Variants in TRAPPC9 observed in about 807,000 individuals in gnomAD.
TRAPPC9 encodes the protein trafficking protein particle complex subunit 9.
A neutral mutation model predicts 124.0 loss-of-function variants in TRAPPC9; 83 were observed. That is an observed-to-expected ratio of 0.67 (90% CI 0.56 to 0.80). The LOEUF (loss-of-function observed/expected upper bound fraction) is 0.80, where lower values mean the gene tolerates loss of function less well. Ranked by LOEUF, TRAPPC9 falls within the 30% of genes least tolerant of loss-of-function variation. The pLI is 0.00. For synonymous variants in TRAPPC9, 638 were observed against 617.5 expected (o/e 1.03, Z -0.49); for missense variants, 1,302 against 1,508.3 (o/e 0.86, Z 2.27).
rs369325917 is a variant in TRAPPC9, at chr8:140,311,937, G to A, written c.1496-563C>T. ...GAGGACACAGGTGATAATCATGTCCGCTTCCTGTCCATGGCACAGTCTAGA... is the reference window on the plus strand; with the variant it reads ...GAGGACACAGGTGATAATCATGTCCACTTCCTGTCCATGGCACAGTCTAGA... On this transcript the variant is annotated intron_variant, in intron 9 of 22. Coordinates refer to ENST00000438773, the MANE Select transcript of TRAPPC9 (RefSeq NM_001160372.4). Among the ~76,000 whole-genome samples the A allele has an allele frequency of 4.6e-5, 7 of 152,152 alleles. No homozygotes were observed. The South Asian group carries it at 1.0e-3, about 23-fold the overall frequency.
intron 8 of TRAPPC9, among the ~76,000 whole-genome samples, chr8:140,363,301 C>T (rs559766560): frequency 3.3e-5 from 5 of 152,160 alleles, no homozygotes; most frequent in African/African-American, 7.2e-5. Flanking sequence ...CTTCCTCGAC[C>T]GTCTATAACC....
intron 4 of TRAPPC9, among the ~76,000 whole-genome samples, chr8:140,433,028 G>A (rs1003990916): frequency 6.6e-6 from 1 of 151,688 alleles, no homozygotes; most frequent in Non-Finnish European, 1.5e-5. Flanking sequence ...AATCGGCCAA[G>A]CACAGTGCTC....
intron 21 of TRAPPC9, among the ~76,000 whole-genome samples, chr8:139,878,067 GCT>G (rs1829443197): frequency 6.6e-6 from 1 of 152,162 alleles, no homozygotes; most frequent in Non-Finnish European, 1.5e-5. Flanking sequence ...CACAGAAAAG[GCT>G]CTAGAAAAAG....
Position 140,423,792 on chromosome 8 carries a change from A to T in TRAPPC9, c.886+2823T>A, listed in dbSNP as rs117660423. ...CAGAATGGAATATTATTCTGCAAGA[A>T]GAAAAAGAAATGCATACTGACACGT... On this transcript the variant is annotated intron_variant, in intron 5 of 22. Coordinates refer to ENST00000438773, the MANE Select transcript of TRAPPC9 (RefSeq NM_001160372.4). Among the ~76,000 whole-genome samples the T allele has an allele frequency of 2.2e-3, 339 of 152,256 alleles. 3 individuals are homozygous for T. Among genetic ancestry groups the T allele is most frequent in the East Asian group, 0.018 (93 of 5,184 alleles).
chr8:140,047,883 G>C (rs1419611204), intron 17 of TRAPPC9, among the ~76,000 whole-genome samples: 1 of 152,212 alleles, frequency 6.6e-6, no homozygotes, highest in African/African-American at 2.4e-5. Context: ...GGCAGAAGTG[G>C]AGGGCGAGGT....
chr8:139,913,508 A>G (rs1168064013), intron 19 of TRAPPC9, among the ~76,000 whole-genome samples: 1 of 152,184 alleles, frequency 6.6e-6, no homozygotes, highest in East Asian at 1.9e-4. Context: ...TAGGCAGGAC[A>G]CCTAAAGAGA....
chr8:140,072,528 GGAGGAGGAGGAGGAGGAGGAA>G (rs1843221480), intron 17 of TRAPPC9, among the ~76,000 whole-genome samples: 2 of 125,200 alleles, frequency 1.6e-5, no homozygotes, highest in Non-Finnish European at 3.3e-5. Flanking sequence ...AAAAAAAAAA[GGAGGAGGAGGAGGAGGAGGAA>G]GAGGAGGAGG....
chr8:140,128,988 C>CATATATATATATAT (rs111502084), intron 17 of TRAPPC9, among the ~76,000 whole-genome samples: 5 of 134,838 alleles, frequency 3.7e-5, no homozygotes, highest in Non-Finnish European at 6.5e-5. Context: ...TATATATATA[C>CATATATATATATAT]ATATATATAT....
Position 139,808,445 on chromosome 8 carries a change from C to T in TRAPPC9, c.3056-76243G>A, listed in dbSNP as rs140219355. ...CACTGCACTCAAGCCTGAGCGACAG[C>T]GCAAGACTCCATTTCAAAAAAATAA... On this transcript the variant is annotated intron_variant, in intron 21 of 22. Coordinates refer to ENST00000438773, the MANE Select transcript of TRAPPC9 (RefSeq NM_001160372.4). Among the ~76,000 whole-genome samples, 193 of 152,234 alleles carry T rather than the reference C, an allele frequency of 1.3e-3. 2 individuals carry two copies. The highest frequency in any genetic ancestry group is 4.3e-3 in the African/African-American group (180 of 41,544).
At chr8:140,141,687 C>T (rs2061384017) in intron 17 of TRAPPC9, among the ~76,000 whole-genome samples, 1 of 152,132 alleles carries the variant, frequency 6.6e-6, no homozygotes, top group Admixed American at 6.5e-5. Flanking sequence ...CAATAAGTTG[C>T]TAAATGAGAG....
At chr8:140,195,975 G>A (rs377378240) in intron 17 of TRAPPC9, among the ~76,000 whole-genome samples, 10 of 139,712 alleles carry the variant, frequency 7.2e-5, no homozygotes, top group South Asian at 2.4e-4. Context: ...ACTATCCACC[G>A]TACAGATCAC....
chr8:139,988,266 C>T (rs1837380162), intron 19 of TRAPPC9, among the ~76,000 whole-genome samples: 1 of 151,976 alleles, frequency 6.6e-6, no homozygotes, highest in Admixed American at 6.6e-5. Context: ...GCATGCACCA[C>T]CATGCCCGGG....
chr8:140,256,115 C>T (rs193055271), intron 15 of TRAPPC9, among the ~76,000 whole-genome samples: 11 of 152,332 alleles, frequency 7.2e-5, no homozygotes, highest in African/African-American at 2.6e-4. Context: ...GGGTACAAAA[C>T]ACTGGTCGCT....
At chr8:140,414,876 G>A (rs940600691) in intron 5 of TRAPPC9, among the ~76,000 whole-genome samples, 1 of 151,972 alleles carries the variant, frequency 6.6e-6, no homozygotes, top group East Asian at 1.9e-4. Context: ...CCAGGAGCTG[G>A]GATTACAGAC....
chr8:140,260,563 G>C (rs955078872), intron 15 of TRAPPC9, among the ~76,000 whole-genome samples: 1 of 152,198 alleles, frequency 6.6e-6, no homozygotes, highest in Non-Finnish European at 1.5e-5. Context: ...AATTAGGTAA[G>C]TTCTACCTCT....
intron 21 of TRAPPC9, among the ~76,000 whole-genome samples, chr8:139,774,623 C>T (rs980250675): frequency 6.6e-6 from 1 of 152,200 alleles, no homozygotes; most frequent in African/African-American, 2.4e-5. Context: ...TCCTCGGCCT[C>T]CCCAGGACCA....
chr8:139,931,331 T>C (rs923845258), intron 19 of TRAPPC9: 3 of 152,224 alleles, frequency 2.0e-5, no homozygotes, highest in African/African-American at 7.2e-5. Flanking sequence ...CTGAGGTTAA[T>C]GACGTGGCAA....
chr8:139,939,608 T>C (rs900262419), intron 19 of TRAPPC9, among the ~76,000 whole-genome samples: 3 of 152,160 alleles, frequency 2.0e-5, no homozygotes, highest in African/African-American at 7.2e-5. Context: ...GTCGTGGGGC[T>C]GATGTGCATC....
At chr8:140,168,542 A>T (rs1175300264) in intron 17 of TRAPPC9, among the ~76,000 whole-genome samples, 2 of 152,174 alleles carry the variant, frequency 1.3e-5, no homozygotes, top group Non-Finnish European at 2.9e-5. Flanking sequence ...GCCTGTTCTC[A>T]AGGCTCATGG....
Sources: gnomAD v4.1 joint callset for allele counts (sites outside exome capture counted in the v4.1 genomes callset) on GRCh38, gnomAD v4.1.1 for gene constraint, MANE v1.5 for transcripts, NCBI Gene and HGNC (gene_info 2026-07-23, HGNC 2026-07-21) for gene names.